CYP27C1: variants seen among roughly 807,000 people sequenced by gnomAD.
CYP27C1 encodes the protein cytochrome P450 family 27 subfamily C member 1.
A neutral mutation model predicts 40.6 loss-of-function variants in CYP27C1; 29 were observed. The observed-to-expected ratio is 0.71, with a 90% confidence interval of 0.53 to 0.97. The LOEUF is 0.97. Ranked by LOEUF, CYP27C1 falls within the 50% of genes least tolerant of loss-of-function variation. The pLI is 0.00. For synonymous variants in CYP27C1, 198 were observed against 186.8 expected, an observed-to-expected ratio of 1.06 and a Z score of -0.49; for missense variants, 390 against 485.8, an observed-to-expected ratio of 0.80 and a Z score of 1.85.
chr2:127,184,123 C>T lies in CYP27C1; in HGVS notation c.*3148G>A, dbSNP rs199594331. 1.3e-5 allele frequency: 2 copies of T among 152,180 alleles called. No homozygotes were observed. The highest frequency in any genetic ancestry group is 2.4e-5 in the African/African-American group (1 of 41,440). The allele number at this position is 152,180 out of a possible 1,614,324, so 9.4% of individuals were successfully genotyped here. Reference sequence around the variant, plus strand: ...AGAGATAAAGTCTCTTTTTTTAAAACATAACTACCATTATCACAACAAAAA... The same window carrying T: ...AGAGATAAAGTCTCTTTTTTTAAAATATAACTACCATTATCACAACAAAAA... On this transcript the variant is annotated 3_prime_UTR_variant, in exon 9 of 9. Coordinates refer to ENST00000664447, the MANE Select transcript of CYP27C1 (RefSeq NM_001367502.1).
chr2:127,199,651 AGG>A (rs970496442), intron 4 of CYP27C1, 112 bp from the exon 5 acceptor site: 34 of 1,192,542 alleles, frequency 2.9e-5, no homozygotes, highest in Admixed American at 6.0e-5. Flanking sequence ...CAGGTGACAG[AGG>A]GTAAGGAAAC....
At chr2:127,194,784 G>A (rs1022263632) in intron 6 of CYP27C1, among the ~76,000 whole-genome samples, 4 of 151,992 alleles carry the variant, frequency 2.6e-5, no homozygotes, top group African/African-American at 4.8e-5. Context: ...GAAACCCCCA[G>A]TAAGCCAATT....
chr2:127,187,844 C>T (rs1682666874), intron 8 of CYP27C1, among the ~76,000 whole-genome samples: 1 of 152,200 alleles, frequency 6.6e-6, no homozygotes, highest in Non-Finnish European at 1.5e-5. Flanking sequence ...GAGCTGAATC[C>T]TCCGAAAGAC....
chr2:127,197,212 C>G (rs1047278893), intron 5 of CYP27C1, among the ~76,000 whole-genome samples: 4 of 152,180 alleles, frequency 2.6e-5, no homozygotes, highest in African/African-American at 9.7e-5. Context: ...CCATCACATT[C>G]AGGTAGTTAA....
At chr2:127,205,059 A>G (rs7585198) in intron 2 of CYP27C1, among the ~76,000 whole-genome samples, 62,647 of 151,976 alleles carry the variant, frequency 0.41, 13,741 homozygotes, top group East Asian at 0.62. Context: ...GCCTCTCTCC[A>G]TCTCAGCCGA....
At chr2:127,205,294 T>C (rs1683200327) in intron 2 of CYP27C1, among the ~76,000 whole-genome samples, 1 of 152,168 alleles carries the variant, frequency 6.6e-6, no homozygotes, top group Non-Finnish European at 1.5e-5. Context: ...CCAATTTATG[T>C]ATAAGGACAT....
intron 6 of CYP27C1, 75 bp from the exon 7 acceptor site, chr2:127,193,942 A>G: frequency 1.4e-6 from 2 of 1,474,112 alleles, no homozygotes; most frequent in Non-Finnish European, 1.9e-6. Flanking sequence ...AGAACCCTGG[A>G]TATATTCCCA....
chr2:127,191,508 A>C (rs967775813), intron 8 of CYP27C1, among the ~76,000 whole-genome samples: 1 of 152,112 alleles, frequency 6.6e-6, no homozygotes, highest in Non-Finnish European at 1.5e-5. Flanking sequence ...TGGCTGCGGG[A>C]GGCACAGCAG....
At position 127,199,156 on chromosome 2, in the gene CYP27C1, G is replaced by A. The variant is rs568776606; in HGVS notation, c.1047+220C>T. Among the ~76,000 whole-genome samples the A allele has an allele frequency of 3.3e-5, 5 of 152,234 alleles. No individual in the cohort carries two copies. The East Asian group carries it at 5.8e-4, about 18-fold the overall frequency. ...CAAAACATTAGCTGGAAGTGGTGGCGGGCGCCTGTAATCCCAGCTACTCTG... is the reference window on the plus strand; with the variant it reads ...CAAAACATTAGCTGGAAGTGGTGGCAGGCGCCTGTAATCCCAGCTACTCTG... On this transcript the variant is annotated intron_variant, in intron 5 of 8. Transcript: ENST00000664447.
At chr2:127,215,171 A>C (rs187671153) in intron 1 of CYP27C1, among the ~76,000 whole-genome samples, 87 of 152,076 alleles carry the variant, frequency 5.7e-4, no homozygotes, top group Admixed American at 2.4e-3. Context: ...TACAGTAACC[A>C]AGACAGTGCA....
chr2:127,216,013 G>A (rs954748277), intron 1 of CYP27C1, among the ~76,000 whole-genome samples: 4 of 152,108 alleles, frequency 2.6e-5, no homozygotes, highest in African/African-American at 9.7e-5. Context: ...CCACTAGAAT[G>A]GCCATAATCA....
chr2:127,203,286 A>ACTAAGT, intron 3 of CYP27C1, 86 bp downstream of exon 3: 1 of 1,474,492 alleles, frequency 6.8e-7, no homozygotes, highest in Non-Finnish European at 9.2e-7. Flanking sequence ...ACTGCCTGGG[A>ACTAAGT]CCCAGGGAAT....
At chr2:127,203,276 A>T in intron 3 of CYP27C1, 96 bp downstream of exon 3, 1 of 1,404,468 alleles carries the variant, frequency 7.1e-7, no homozygotes, top group Non-Finnish European at 9.8e-7. Context: ...GACTTAGCAC[A>T]CTGCCTGGGA....
chr2:127,191,196 G>A (rs1397878800), intron 8 of CYP27C1, among the ~76,000 whole-genome samples: 3 of 152,090 alleles, frequency 2.0e-5, no homozygotes, highest in Non-Finnish European at 4.4e-5. Context: ...GCAGTGAGCC[G>A]ATTGCACCAC....
chr2:127,198,166 A>G (rs1682948869), intron 5 of CYP27C1, among the ~76,000 whole-genome samples: 1 of 146,666 alleles, frequency 6.8e-6, no homozygotes, highest in South Asian at 2.2e-4. Context: ...ACTGGGCTCC[A>G]TTCACAGGGA....
intron 6 of CYP27C1, among the ~76,000 whole-genome samples, chr2:127,194,401 ATTC>A (rs1682856167): frequency 6.6e-6 from 1 of 152,198 alleles, no homozygotes; most frequent in East Asian, 1.9e-4. Context: ...CTTTGAAAGA[ATTC>A]TTTAGTATAT....
rs1339556053 is a variant in CYP27C1 at position 127,199,492 on chromosome 2, C to A, written c.931G>T (p.Asp311Tyr). 2 of 1,614,174 alleles carry A rather than the reference C, an allele frequency of 1.2e-6. No homozygotes were observed. Among genetic ancestry groups the A allele is most frequent in the Non-Finnish European group, 1.7e-6 (2 of 1,180,030 alleles). The change falls in exon 5 of 9, where the codon GAC (aspartate) becomes TAC (tyrosine). Residue 311 changes from aspartate (D) to tyrosine (Y), a missense_variant. Coordinates refer to ENST00000664447, the MANE Select transcript of CYP27C1 (RefSeq NM_001367502.1). ...NKLRDIQYQM[D>Y]RGRRVSGGLL... is the part of the protein sequence containing the mutation. ...CCCCCGCTCACCCTCCGGCCTCGGT[C>A]CATTTGGTACTGTATGTCCCTCAAC...
intron 8 of CYP27C1, among the ~76,000 whole-genome samples, chr2:127,190,895 G>A (rs1254394277): frequency 2.1e-5 from 3 of 143,144 alleles, no homozygotes; most frequent in South Asian, 2.3e-4. Context: ...GCAGCGACCC[G>A]AGATTGCGCC....
At chr2:127,190,282 C>T in intron 8 of CYP27C1, among the ~76,000 whole-genome samples, 1 of 148,538 alleles carries the variant, frequency 6.7e-6, no homozygotes, top group South Asian at 2.1e-4. Flanking sequence ...AAACTCCTGT[C>T]TATACAGTTG....
Sources: gnomAD v4.1 joint callset for allele counts (sites outside exome capture counted in the v4.1 genomes callset) on GRCh38, gnomAD v4.1.1 for gene constraint, MANE v1.5 for transcripts, NCBI Gene and HGNC (gene_info 2026-07-23, HGNC 2026-07-21) for gene names.